POT1: variants seen among roughly 807,000 people sequenced by gnomAD.
POT1 encodes protection of telomeres protein 1.
In POT1, 47 loss-of-function variants were observed where a neutral mutation model predicts 78.5. The observed-to-expected ratio is 0.60, with a 90% CI of 0.47 to 0.76. POT1 has a LOEUF of 0.76. Ranked by LOEUF, POT1 falls within the 30% of genes least tolerant of loss-of-function variation. The pLI, the probability that POT1 is intolerant of heterozygous loss-of-function variation, is 0.00. For missense variants in POT1, 646 were observed against 749.9 expected, an observed-to-expected ratio of 0.86 and a Z score of 1.62; for synonymous variants, 259 against 260.7, an observed-to-expected ratio of 0.99 and a Z score of 0.06.
rs145125799 is a variant in POT1 at position 124,828,936 on chromosome 7, C to A, written c.1594+318G>T. 5,913 of 596,686 alleles carry A rather than the reference C, an allele frequency of 9.9e-3. 45 individuals carry two copies. Among genetic ancestry groups the A allele is most frequent in the Non-Finnish European group, 0.014 (4,325 of 311,158 alleles). The allele number at this position is 596,686 out of a possible 1,614,324, so 37.0% of individuals were successfully genotyped here. On this transcript the variant is annotated intron_variant, in intron 16 of 18. Transcript: ENST00000357628. ...TTCACTCTATTCTGAATTGGCCAAA[C>A]AACATCTGCAGCACAATGTCCAGCT...
chr7:124,870,227 G>A (rs1300319476), intron 7 of POT1, among the ~76,000 whole-genome samples: 1 of 151,918 alleles, frequency 6.6e-6, no homozygotes, highest in Non-Finnish European at 1.5e-5. Flanking sequence ...TTCCAGAAGT[G>A]CATTGAACAA....
intron 6 of POT1, among the ~76,000 whole-genome samples, chr7:124,890,998 T>C (rs2116625848): frequency 6.6e-6 from 1 of 151,940 alleles, no homozygotes; most frequent in Middle Eastern, 3.4e-3. Flanking sequence ...CTGGGTAGAA[T>C]ATTCTGCATA....
At chr7:124,889,950 T>A (rs1198635077) in intron 6 of POT1, among the ~76,000 whole-genome samples, 1 of 152,018 alleles carries the variant, frequency 6.6e-6, no homozygotes, top group Non-Finnish European at 1.5e-5. Flanking sequence ...ACAAATCAAG[T>A]AATAATTTTT....
At chr7:124,909,429 C>G (rs1271727927) in intron 3 of POT1, among the ~76,000 whole-genome samples, 2 of 151,834 alleles carry the variant, frequency 1.3e-5, no homozygotes, top group African/African-American at 4.8e-5. Context: ...GTTTAAGAAT[C>G]AAATTGGAGA....
chr7:124,901,225 A>C (rs1415251859), intron 3 of POT1, among the ~76,000 whole-genome samples: 3 of 152,192 alleles, frequency 2.0e-5, no homozygotes, highest in Non-Finnish European at 4.4e-5. Context: ...ACCCCTGAGT[A>C]GACTAACTGG....
At chr7:124,891,514 ATAG>A (rs1254408645) in intron 6 of POT1, among the ~76,000 whole-genome samples, 1 of 151,540 alleles carries the variant, frequency 6.6e-6, no homozygotes, top group African/African-American at 2.4e-5. Context: ...ATTTATAATA[ATAG>A]TAGTTATTCA....
chr7:124,902,752 C>A, intron 3 of POT1, among the ~76,000 whole-genome samples: 1 of 152,108 alleles, frequency 6.6e-6, no homozygotes, highest in Non-Finnish European at 1.5e-5. Context: ...ATCGTCAAGA[C>A]CCCTCAGTGT....
intron 2 of POT1, among the ~76,000 whole-genome samples, chr7:124,921,134 A>C (rs1466055758): frequency 6.6e-6 from 1 of 152,070 alleles, no homozygotes; most frequent in Admixed American, 6.6e-5. Flanking sequence ...ACTTAAAAAA[A>C]TATTTCACTA....
intron 14 of POT1, among the ~76,000 whole-genome samples, chr7:124,839,695 C>A (rs1026196501): frequency 6.6e-6 from 1 of 152,080 alleles, no homozygotes; most frequent in Non-Finnish European, 1.5e-5. Flanking sequence ...TTTAAATAAG[C>A]CTTTTTTAAA....
At chr7:124,901,958 A>C (rs774800962) in intron 3 of POT1, among the ~76,000 whole-genome samples, 2 of 151,948 alleles carry the variant, frequency 1.3e-5, no homozygotes, top group Non-Finnish European at 2.9e-5. Flanking sequence ...AAATAAACTG[A>C]GAAGAGAAGT....
chr7:124,830,517 C>T (rs909445518), intron 15 of POT1, among the ~76,000 whole-genome samples: 9 of 151,574 alleles, frequency 5.9e-5, no homozygotes, highest in African/African-American at 1.2e-4. Flanking sequence ...AAAAAGACTA[C>T]GATATTGATT....
rs116786379 is a variant in POT1 at position 124,916,260 on chromosome 7, A to G, written c.-226-614T>C. On this transcript the variant is annotated intron_variant, in intron 2 of 18. Transcript: ENST00000357628. ...GACTTTGATATAGCTAATAAAAAAT[A>G]GATCAATTTTACTTATAAAATAGGA... Among the ~76,000 whole-genome samples the G allele has an allele frequency of 5.1e-3, 770 of 152,326 alleles. 8 individuals are homozygous for G. The highest frequency in any genetic ancestry group is 0.017 in the African/African-American group (708 of 41,588).
intron 11 of POT1, among the ~76,000 whole-genome samples, chr7:124,849,526 C>T (rs1039951807): frequency 6.6e-6 from 1 of 152,136 alleles, no homozygotes; most frequent in African/African-American, 2.4e-5. Context: ...TTCTCCTACA[C>T]TGCTATTTGG....
In POT1 at chr7:124,916,142, A is replaced by G. The variant is rs192071373; in HGVS notation, c.-226-496T>C. On this transcript the variant is annotated intron_variant, in intron 2 of 18. Transcript: ENST00000357628. ...TCTGTCAGTTTAAAAAAAGTTACTT[A>G]GATTATCAGATAAAATAAAGTTTTT... Among the ~76,000 whole-genome samples, 152 of 152,288 alleles carry G rather than the reference A, an allele frequency of 1.0e-3. 1 individual carries two copies. Among genetic ancestry groups the G allele is most frequent in the African/African-American group, 3.1e-3 (127 of 41,576 alleles).
chr7:124,911,341 T>C (rs1796884632), intron 3 of POT1, among the ~76,000 whole-genome samples: 1 of 152,146 alleles, frequency 6.6e-6, no homozygotes, highest in Non-Finnish European at 1.5e-5. Flanking sequence ...TGTGTGTATG[T>C]GCACTCACGC....
intron 10 of POT1, 85 bp downstream of exon 10, chr7:124,852,887 C>A: frequency 8.1e-7 from 1 of 1,234,312 alleles, no homozygotes; most frequent in Non-Finnish European, 1.1e-6. Context: ...GGCTAGGGAA[C>A]TATCAGAAGC....
At chr7:124,870,801 T>C in intron 7 of POT1, 110 bp downstream of exon 7, 1 of 843,580 alleles carries the variant, frequency 1.2e-6, no homozygotes, top group South Asian at 4.2e-5. Flanking sequence ...CCTGAAAAGC[T>C]TGCTGTCATG....
chr7:124,908,054 C>A (rs1206362700), intron 3 of POT1, among the ~76,000 whole-genome samples: 1 of 151,942 alleles, frequency 6.6e-6, no homozygotes, highest in African/African-American at 2.4e-5. Context: ...CAAGTCATTA[C>A]ACTTAGTGGG....
At chr7:124,830,061 TA>T (rs1266988939) in intron 15 of POT1, among the ~76,000 whole-genome samples, 3 of 152,158 alleles carry the variant, frequency 2.0e-5, no homozygotes, top group Non-Finnish European at 4.4e-5. Flanking sequence ...GAAAAATTAC[TA>T]AACAGTCACA....
Sources: allele counts gnomAD v4.1 joint callset (sites outside exome capture counted in the v4.1 genomes callset), GRCh38; gene constraint gnomAD v4.1.1; transcripts MANE v1.5; gene names NCBI Gene and HGNC (gene_info 2026-07-23, HGNC 2026-07-21).